NUP153: variants seen among roughly 807,000 people sequenced by gnomAD.
NUP153 encodes nucleoporin 153.
Under a neutral mutation model 134.6 loss-of-function variants are expected in NUP153, and 27 were observed. The observed-to-expected ratio is 0.20, with a 90% CI of 0.15 to 0.28. The LOEUF is 0.28. Ranked by LOEUF, NUP153 falls within the 10% of genes least tolerant of loss-of-function variation. The probability of loss-of-function intolerance (pLI) is 1.00; values close to 1 mark genes in which losing one functional copy is unlikely to be tolerated. For missense variants in NUP153, 1,821 were observed against 1,731.3 expected (o/e 1.05, Z -0.92); for synonymous variants, 640 against 623.5 (o/e 1.03, Z -0.40).
At chr6:17,655,973 G>A (rs1042705913) in intron 11 of NUP153, among the ~76,000 whole-genome samples, 8 of 152,204 alleles carry the variant, frequency 5.3e-5, no homozygotes, top group African/African-American at 1.9e-4. Context: ...GGGAGGCCAA[G>A]GTGGGTGGAT....
At chr6:17,616,745 TTTTGTTTG>T (rs145609362) in intron 20 of NUP153, 50 bp from the exon 21 acceptor site, 100 of 1,549,674 alleles carry the variant, frequency 6.5e-5, no homozygotes, top group African/African-American at 3.7e-4. Context: ...TGATAGGTTT[TTTTGTTTG>T]TTTGTTTGTT....
At chr6:17,641,994 T>C (rs1235275440) in intron 14 of NUP153, among the ~76,000 whole-genome samples, 1 of 152,190 alleles carries the variant, frequency 6.6e-6, no homozygotes, top group African/African-American at 2.4e-5. Flanking sequence ...AACCAAGTTT[T>C]TCTTTTTAAG....
chr6:17,667,758 CCTGAAGGATG>C (rs1329359401), intron 8 of NUP153, among the ~76,000 whole-genome samples: 1 of 152,096 alleles, frequency 6.6e-6, no homozygotes, highest in African/African-American at 2.4e-5. Flanking sequence ...GTCTGCTTTC[CCTGAAGGATG>C]CTTAACCAGC....
intron 1 of NUP153, among the ~76,000 whole-genome samples, chr6:17,690,628 C>T (rs1362368287): frequency 6.6e-6 from 1 of 151,846 alleles, no homozygotes; most frequent in Non-Finnish European, 1.5e-5. Context: ...CGATTTTAGG[C>T]AACAATTTAT....
chr6:17,704,031 G>A (rs577965393), intron 1 of NUP153, among the ~76,000 whole-genome samples: 5 of 152,204 alleles, frequency 3.3e-5, no homozygotes, highest in Admixed American at 6.5e-5. Flanking sequence ...GGTGGCTCAC[G>A]CCTGTAATCC....
In NUP153 at chr6:17,706,391, G is replaced by C. The variant is rs372361816; in HGVS notation, c.-4C>G. Reference sequence around the variant, plus strand: ...CTCCTCCGGCTCCCGAGGCCATGGCGGAGCCTCCGCCGCTTCCCGCTCCGG... The same window carrying C: ...CTCCTCCGGCTCCCGAGGCCATGGCCGAGCCTCCGCCGCTTCCCGCTCCGG... On this transcript the variant is annotated 5_prime_UTR_variant, in exon 1 of 22. Transcript: ENST00000262077. The surrounding 1 kb of genome is among the most constrained non-coding windows in gnomAD (Gnocchi z 5.9). 3 of 1,609,338 alleles carry C rather than the reference G, an allele frequency of 1.9e-6. No individual in the cohort carries two copies. The highest frequency in any genetic ancestry group is 2.5e-6 in the Non-Finnish European group (3 of 1,178,230).
chr6:17,649,549 G>A (rs1267275524), intron 11 of NUP153, among the ~76,000 whole-genome samples: 2 of 117,682 alleles, frequency 1.7e-5, no homozygotes, highest in Non-Finnish European at 3.5e-5. Flanking sequence ...AAAAAAGATA[G>A]TAATTCTTAC....
chr6:17,669,652 G>C (rs1767776712), intron 5 of NUP153, 106 bp from the exon 6 acceptor site: 1 of 768,674 alleles, frequency 1.3e-6, no homozygotes, highest in African/African-American at 1.7e-5. Flanking sequence ...AGTAAAACAG[G>C]ATTTAATGCA....
intron 1 of NUP153, among the ~76,000 whole-genome samples, chr6:17,691,656 T>C (rs896475954): frequency 6.6e-6 from 1 of 151,724 alleles, no homozygotes; most frequent in African/African-American, 2.4e-5. Flanking sequence ...TCCCAGTTAC[T>C]AGAGAGGCTG....
At chr6:17,652,836 C>T (rs1478521410) in intron 11 of NUP153, among the ~76,000 whole-genome samples, 3 of 151,840 alleles carry the variant, frequency 2.0e-5, no homozygotes, top group Non-Finnish European at 4.4e-5. Context: ...CCAGCCTGAC[C>T]AACATGGTGA....
intron 10 of NUP153, 67 bp from the exon 11 acceptor site, chr6:17,661,846 C>T: frequency 6.9e-7 from 1 of 1,449,112 alleles, no homozygotes; most frequent in East Asian, 2.3e-5. Context: ...TTAACTAGAA[C>T]TGCTAACAAG....
chr6:17,659,234 T>C (rs1370715023), intron 11 of NUP153, among the ~76,000 whole-genome samples: 3 of 152,238 alleles, frequency 2.0e-5, no homozygotes, highest in Admixed American at 1.3e-4. Context: ...ATGCAGAAAA[T>C]GCTTTCCAAG....
intron 10 of NUP153, 39 bp downstream of exon 10, chr6:17,661,979 A>G (rs1767214482): frequency 6.9e-7 from 1 of 1,443,156 alleles, no homozygotes; most frequent in South Asian, 1.2e-5. Context: ...CTTACAAGTT[A>G]AATATAAAGA....
At position 17,628,565 on chromosome 6, in the gene NUP153, T is replaced by C. The variant is rs1032932456; in HGVS notation, c.3544+90A>G. On this transcript the variant is annotated intron_variant, in intron 18 of 21. Coordinates refer to ENST00000262077, the MANE Select transcript of NUP153 (RefSeq NM_005124.4). The surrounding 1 kb of genome is among the most constrained non-coding windows in gnomAD (Gnocchi z 5.4). ...AACTATGTTCAGTGTAAACCATTAATTGACTTGCTGCATCTGTCAAGGCAA... is the reference window on the plus strand; with the variant it reads ...AACTATGTTCAGTGTAAACCATTAACTGACTTGCTGCATCTGTCAAGGCAA... The C allele has an allele frequency of 2.7e-5, 17 of 628,982 alleles. No homozygotes were observed. The highest frequency in any genetic ancestry group is 3.6e-5 in the Non-Finnish European group (16 of 443,186). 39.0% of individuals were successfully genotyped at this position (628,982 alleles called of 1,614,324 possible).
At chr6:17,674,233 T>G (rs769309832) in intron 5 of NUP153, among the ~76,000 whole-genome samples, 3 of 152,194 alleles carry the variant, frequency 2.0e-5, no homozygotes, top group Admixed American at 6.5e-5. Flanking sequence ...CTGATCAATA[T>G]TTGATTGTAG....
At chr6:17,634,493 G>A (rs1422979041) in intron 16 of NUP153, among the ~76,000 whole-genome samples, 1 of 151,754 alleles carries the variant, frequency 6.6e-6, no homozygotes, top group Non-Finnish European at 1.5e-5. Context: ...GTGGAGTAGA[G>A]TGGCACAATC....
intron 2 of NUP153, among the ~76,000 whole-genome samples, chr6:17,677,663 A>G (rs1202962240): frequency 6.6e-6 from 1 of 151,830 alleles, no homozygotes; most frequent in African/African-American, 2.4e-5. Flanking sequence ...TATGTCCCTC[A>G]GTGGAACTTA....
At chr6:17,665,147 G>T in intron 9 of NUP153, 92 bp downstream of exon 9, 1 of 903,152 alleles carries the variant, frequency 1.1e-6, no homozygotes, top group Non-Finnish European at 1.7e-6. Flanking sequence ...TTATACAGTT[G>T]CTAGAATACA....
chr6:17,645,030 A>C (rs1263517763), intron 14 of NUP153, among the ~76,000 whole-genome samples: 1 of 152,070 alleles, frequency 6.6e-6, no homozygotes, highest in Non-Finnish European at 1.5e-5. Context: ...GGTTGCAGTG[A>C]GCCAAGATTA....
Sources: allele counts gnomAD v4.1 joint callset (sites outside exome capture counted in the v4.1 genomes callset), GRCh38; gene constraint gnomAD v4.1.1; non-coding constraint Gnocchi (gnomAD v3.1); transcripts MANE v1.5; gene names NCBI Gene and HGNC (gene_info 2026-07-23, HGNC 2026-07-21).